EIF4ENIF1: variants seen among roughly 807,000 people sequenced by gnomAD.
EIF4ENIF1 encodes the protein eukaryotic translation initiation factor 4E transporter.
A neutral mutation model predicts 110.5 loss-of-function variants in EIF4ENIF1; 23 were observed. The observed-to-expected ratio is 0.21, with a 90% confidence interval of 0.15 to 0.29. The LOEUF is 0.29. EIF4ENIF1 is among the 10% of genes least tolerant of loss of function. EIF4ENIF1 has a pLI of 1.00. For synonymous variants in EIF4ENIF1, 440 were observed against 437.0 expected (o/e 1.01, Z -0.09); for missense variants, 1,031 against 1,221.1 (o/e 0.84, Z 2.32).
chr22:31,470,248 A>T (rs991163757), intron 3 of EIF4ENIF1, among the ~76,000 whole-genome samples: 1 of 2,804 alleles, frequency 3.6e-4, no homozygotes, highest in Non-Finnish European at 7.4e-3. Context: ...TCATCAGGGA[A>T]TGTGGTATGA....
At chr22:31,486,354 C>T (rs2052027651) in intron 2 of EIF4ENIF1, among the ~76,000 whole-genome samples, 1 of 152,142 alleles carries the variant, frequency 6.6e-6, no homozygotes, top group South Asian at 2.1e-4. Context: ...GTCCCAGCTA[C>T]TTGGGAGGCT....
chr22:31,489,538 T>G (rs1328019381), intron 1 of EIF4ENIF1, 156 bp downstream of exon 1: 1 of 142,474 alleles, frequency 7.0e-6, no homozygotes, highest in Admixed American at 6.9e-5. Flanking sequence ...GCCGGCCGCC[T>G]TGCGGGCCTC....
At position 31,455,260 on chromosome 22, in the gene EIF4ENIF1, A is replaced by C. The variant is rs148145645; in HGVS notation, c.1155T>G (p.Pro385=). Residue 385 remains proline, a synonymous_variant, in exon 9 of 19, where the codon CCT becomes CCG. Transcript: ENST00000330125. Reference sequence around the variant, plus strand: ...TTTCAGCATGGTCTTCCAATGGTATAGGAGCAAAGTAATTCCCCGAGTTCT... The same window carrying C: ...TTTCAGCATGGTCTTCCAATGGTATCGGAGCAAAGTAATTCCCCGAGTTCT... The part of the protein sequence containing the change: ...PGQNSGNYFA[P]IPLEDHAENK... 9.7e-4 allele frequency: 1,562 copies of C among 1,613,652 alleles called. 11 individuals are homozygous for C. In the African/African-American group the frequency reaches 0.019, roughly 19 times the overall value.
chr22:31,444,840 A>C, intron 14 of EIF4ENIF1, 150 bp from the exon 15 acceptor site: 1 of 689,796 alleles, frequency 1.4e-6, no homozygotes. Context: ...AACATACACA[A>C]AAGCACATGC....
intron 14 of EIF4ENIF1, among the ~76,000 whole-genome samples, chr22:31,446,392 AGACCAGTCTGGAGCTCTCTGTTTCG>A (rs1389101163): frequency 6.6e-6 from 1 of 151,870 alleles, no homozygotes; most frequent in Non-Finnish European, 1.5e-5. Flanking sequence ...GGGGTTCAGC[AGACCAGTCTGGAGCTCTCTGTTTCG>A]GTGGAAGGGT....
intron 2 of EIF4ENIF1, among the ~76,000 whole-genome samples, chr22:31,474,899 C>T (rs1448800421): frequency 6.6e-6 from 1 of 152,136 alleles, no homozygotes; most frequent in Non-Finnish European, 1.5e-5. Context: ...CACTCCCATC[C>T]CAGGCCTTGT....
rs151053044 is a variant in EIF4ENIF1 at position 31,454,307 on chromosome 22, T to G, written c.1349A>C (p.Gln450Pro). 1 of 1,614,072 alleles carries G rather than the reference T, an allele frequency of 6.2e-7. No individual in the cohort carries two copies. The highest frequency in any genetic ancestry group is 8.5e-7 in the Non-Finnish European group (1 of 1,180,038). ...CATGAAGGGAGTTGAATTCTTCACT[T>G]GCTGGTCAACCTTCAAGCCCTTCAG... ...AGLKGLKVDQ[Q>P]VKNSTPFMAE... Residue 450 changes from glutamine to proline, a missense_variant, in exon 10 of 19, where the codon CAA (glutamine) becomes CCA (proline). Around this residue, in one of 3 missense-constraint regions of EIF4ENIF1, gnomAD observed 704 missense variants for 879.7 expected, o/e 0.80. Transcript: ENST00000330125.
In EIF4ENIF1 at chr22:31,488,639, G is replaced by A. The variant is rs2052135166; in HGVS notation, c.80C>T (p.Pro27Leu). Residue 27 changes from proline to leucine, a missense_variant, in exon 2 of 19, where the codon CCC becomes CTC. Physicochemically the swap from Pro to Leu is moderately conservative, Grantham distance 98. Transcript: ENST00000330125. ...AAACCTTACTTTTGTATAGCGATGG[G>A]GGCATTTGGAGGCAGGAGGCTTCTT... Reference protein sequence around the residue: ...DLKKPPASKCPHRYTKEELLD... With the variant: ...DLKKPPASKCLHRYTKEELLD... 2.5e-6 allele frequency: 4 copies of A among 1,613,626 alleles called. No homozygotes were observed. In the African/African-American group the frequency reaches 4.0e-5, roughly 16 times the overall value.
Position 31,454,221 on chromosome 22 carries a change from C to T in EIF4ENIF1, c.1435G>A (p.Gly479Arg), listed in dbSNP as rs573283561. Reference protein sequence around the residue: ...VTNNRQLKKDGDMTAFNKLVS... With the variant: ...VTNNRQLKKDRDMTAFNKLVS... ...AGCTTGTTGAACGCAGTCATGTCTC[C>T]GTCTTTCTTCAGTTGTCGATTGTTG... Residue 479 changes from glycine (G) to arginine (R), a missense_variant, in exon 10 of 19, where the codon GGA becomes AGA. By Grantham distance (125) the Gly-to-Arg change is moderately radical (BLOSUM62 -2). Transcript: ENST00000330125. 1.5e-5 allele frequency: 25 copies of T among 1,614,124 alleles called. No individual in the cohort carries two copies. The South Asian group carries it at 1.9e-4, about 12-fold the overall frequency.
At chr22:31,440,629 A>T (rs2050261925) in intron 18 of EIF4ENIF1, 75 bp downstream of exon 18, 7 of 1,502,408 alleles carry the variant, frequency 4.7e-6, no homozygotes, top group Non-Finnish European at 6.3e-6. Flanking sequence ...ATTCATCTCC[A>T]CTGGAAACTA....
chr22:31,481,686 A>G (rs1194961397), intron 2 of EIF4ENIF1, among the ~76,000 whole-genome samples: 1 of 152,154 alleles, frequency 6.6e-6, no homozygotes, highest in African/African-American at 2.4e-5. Context: ...GAAGGCTAGG[A>G]TGACTCAAGT....
intron 7 of EIF4ENIF1, among the ~76,000 whole-genome samples, 167 bp downstream of exon 7, chr22:31,458,308 A>G (rs2050890144): frequency 6.6e-6 from 1 of 152,116 alleles, no homozygotes; most frequent in African/African-American, 2.4e-5. Context: ...CAAAAATCTC[A>G]TATTATCCAT....
intron 8 of EIF4ENIF1, among the ~76,000 whole-genome samples, 174 bp downstream of exon 8, chr22:31,455,678 G>T (rs978915833): frequency 6.6e-6 from 1 of 152,048 alleles, no homozygotes; most frequent in Non-Finnish European, 1.5e-5. Context: ...GATTACAGGC[G>T]TGAGCCACTG....
At chr22:31,491,955 A>G (rs1378897805), upstream of EIF4ENIF1, among the ~76,000 whole-genome samples, 10 of 152,156 alleles carry the variant, frequency 6.6e-5, no homozygotes, top group East Asian at 1.9e-3. Flanking sequence ...AAATCTGCAA[A>G]ATGGGCTGGT....
chr22:31,441,529 G>C (rs901140214), intron 17 of EIF4ENIF1, among the ~76,000 whole-genome samples: 59 of 122,762 alleles, frequency 4.8e-4, no homozygotes, highest in South Asian at 1.1e-3. Context: ...GACAGAGTGA[G>C]ACTTCTGTCT....
At chr22:31,440,936 TAC>T in intron 17 of EIF4ENIF1, 68 bp from the exon 18 acceptor site, 1 of 1,579,656 alleles carries the variant, frequency 6.3e-7, no homozygotes. Flanking sequence ...AGCTTCACTG[TAC>T]AGTTTTGCTG....
chr22:31,490,169 T>C (rs1237417702), upstream of EIF4ENIF1, among the ~76,000 whole-genome samples: 1 of 152,206 alleles, frequency 6.6e-6, no homozygotes, highest in Non-Finnish European at 1.5e-5. Context: ...CGGACGGCAC[T>C]TGGGACCCGC....
intron 2 of EIF4ENIF1, among the ~76,000 whole-genome samples, chr22:31,478,910 C>T (rs566213868): frequency 3.3e-5 from 5 of 150,256 alleles, no homozygotes; most frequent in African/African-American, 7.3e-5. Flanking sequence ...TGAGATCGCA[C>T]CACTGCACCC....
In EIF4ENIF1 at chr22:31,442,983, C is replaced by T. The variant is rs772202996; in HGVS notation, c.2185G>A (p.Asp729Asn). The T allele has an allele frequency of 1.2e-6, 2 of 1,614,064 alleles. No individual in the cohort carries two copies. Among genetic ancestry groups the T allele is most frequent in the South Asian group, 1.1e-5 (1 of 91,074 alleles). The change falls in exon 16 of 19, where the codon GAT becomes AAT. Residue 729 changes from aspartate to asparagine, a missense_variant. Physicochemically the swap from Asp to Asn is conservative, Grantham distance 23. Around this residue, in one of 3 missense-constraint regions of EIF4ENIF1, gnomAD observed 309 missense variants for 299.1 expected, o/e 1.03. Transcript: ENST00000330125. ...GKAALGDSKEDTQKASEENLL... is the reference protein window; with the variant it reads ...GKAALGDSKENTQKASEENLL... ...GTACCTTCACTGGCCTTCTGAGTAT[C>T]CTCTTTACTGTCACCAAGAGCTGCT...
Sources: gnomAD v4.1 joint callset for allele counts (sites outside exome capture counted in the v4.1 genomes callset) on GRCh38, gnomAD v4.1.1 for gene constraint, gnomAD v4.1.1 regional missense constraint, MANE v1.5 for transcripts, NCBI Gene and HGNC (gene_info 2026-07-23, HGNC 2026-07-21) for gene names.